The following GRID2 variants were observed in gnomAD, a reference collection of about 807,000 sequenced individuals.
GRID2 encodes the protein glutamate ionotropic receptor delta type subunit 2, also known as glutamate receptor ionotropic, delta-2.
GRID2 carries 33 observed loss-of-function variants against 114.8 expected under a neutral mutation model. That is an observed-to-expected ratio of 0.29 (90% CI 0.22 to 0.38). The LOEUF (loss-of-function observed/expected upper bound fraction) is 0.38, where lower values mean the gene tolerates loss of function less well. GRID2 is among the 10% of genes least tolerant of loss of function. GRID2 has a pLI of 1.00. For missense variants in GRID2, 1,184 were observed against 1,257.7 expected (o/e 0.94, Z 0.89); for synonymous variants, 505 against 449.9 (o/e 1.12, Z -1.55).
At chr4:92,800,397 T>C (rs942551650) in intron 2 of GRID2, among the ~76,000 whole-genome samples, 4 of 151,940 alleles carry the variant, frequency 2.6e-5, no homozygotes, top group Non-Finnish European at 5.9e-5. Flanking sequence ...AATAAAAATA[T>C]TGAACTAAGA....
At chr4:92,737,772 A>C (rs1057323371) in intron 2 of GRID2, among the ~76,000 whole-genome samples, 1 of 152,152 alleles carries the variant, frequency 6.6e-6, no homozygotes, top group Admixed American at 6.6e-5. Flanking sequence ...TTGTTTATGT[A>C]AAATTCAGAG....
chr4:93,216,248 A>C (rs1447469629), intron 5 of GRID2, among the ~76,000 whole-genome samples: 1 of 151,740 alleles, frequency 6.6e-6, no homozygotes, highest in African/African-American at 2.4e-5. Context: ...CAAATTTTTC[A>C]TTGCTAATTA....
intron 1 of GRID2, among the ~76,000 whole-genome samples, chr4:92,509,674 G>T (rs1369601608): frequency 6.6e-6 from 1 of 151,882 alleles, no homozygotes; most frequent in South Asian, 2.1e-4. Context: ...AATTAATAGA[G>T]TGGTTGAAAA....
intron 13 of GRID2, among the ~76,000 whole-genome samples, chr4:93,578,544 G>A (rs910303499): frequency 4.7e-5 from 7 of 150,520 alleles, no homozygotes; most frequent in African/African-American, 1.7e-4. Flanking sequence ...CTGATATATA[G>A]GTATCACAAA....
At chr4:92,864,063 A>G (rs1053235586) in intron 2 of GRID2, among the ~76,000 whole-genome samples, 3 of 152,200 alleles carry the variant, frequency 2.0e-5, no homozygotes, top group African/African-American at 7.2e-5. Flanking sequence ...AAAATTAAAC[A>G]GTTACATAAC....
chr4:92,488,557 G>T (rs1471751656), intron 1 of GRID2, among the ~76,000 whole-genome samples: 1 of 152,130 alleles, frequency 6.6e-6, no homozygotes, highest in Non-Finnish European at 1.5e-5. Flanking sequence ...TGGGAAATGG[G>T]AAACAAACTA....
chr4:93,115,869 A>G (rs1161627668), intron 4 of GRID2, among the ~76,000 whole-genome samples: 1 of 152,146 alleles, frequency 6.6e-6, no homozygotes, highest in Non-Finnish European at 1.5e-5. Flanking sequence ...CTCCTACAAC[A>G]CATGGGAACT....
At chr4:92,813,660 A>G (rs1339411164) in intron 2 of GRID2, among the ~76,000 whole-genome samples, 6 of 151,774 alleles carry the variant, frequency 4.0e-5, no homozygotes, top group South Asian at 2.1e-4. Context: ...ACACGCACGC[A>G]CACACACACA....
At chr4:93,807,038 C>T (rs1201148487) in exon 2 of GRID2, 1 of 152,274 alleles carries the variant, frequency 6.6e-6, no homozygotes, top group African/African-American at 2.4e-5. Context: ...CACAGAAATC[C>T]TTGCTGTAAT....
chr4:93,255,199 C>T (rs892916272), intron 8 of GRID2, among the ~76,000 whole-genome samples: 10 of 151,902 alleles, frequency 6.6e-5, no homozygotes, highest in East Asian at 5.8e-4. Context: ...CTGATGAATG[C>T]GAAACATTTC....
chr4:93,220,800 A>G (rs893739362), intron 6 of GRID2, among the ~76,000 whole-genome samples: 1 of 152,184 alleles, frequency 6.6e-6, no homozygotes, highest in African/African-American at 2.4e-5. Flanking sequence ...ATGGTCATTC[A>G]CAAGATTCTA....
intron 2 of GRID2, among the ~76,000 whole-genome samples, chr4:92,880,071 C>T (rs1430898446): frequency 2.0e-5 from 3 of 152,128 alleles, no homozygotes; most frequent in Non-Finnish European, 4.4e-5. Flanking sequence ...TTTTACAGAA[C>T]TCATGATTCT....
chr4:92,592,344 A>C (rs978607172), intron 2 of GRID2, among the ~76,000 whole-genome samples: 1 of 152,138 alleles, frequency 6.6e-6, no homozygotes, highest in Non-Finnish European at 1.5e-5. Flanking sequence ...AAAAGTAGTA[A>C]GAAAAAAAAT....
At chr4:93,442,802 C>A (rs879430366) in intron 10 of GRID2, among the ~76,000 whole-genome samples, 20 of 152,170 alleles carry the variant, frequency 1.3e-4, no homozygotes, top group Non-Finnish European at 2.4e-4. Flanking sequence ...TTATTCCTCA[C>A]AATGCCTTCA....
At chr4:92,568,191 C>A (rs985024252) in intron 1 of GRID2, among the ~76,000 whole-genome samples, 3 of 151,938 alleles carry the variant, frequency 2.0e-5, no homozygotes, top group Admixed American at 6.6e-5. Flanking sequence ...TGGGAATATA[C>A]TTTTTGTATT....
At chr4:93,666,893 A>G (rs1723995643) in intron 14 of GRID2, among the ~76,000 whole-genome samples, 1 of 152,132 alleles carries the variant, frequency 6.6e-6, no homozygotes, top group Non-Finnish European at 1.5e-5. Context: ...AAATCTTTAT[A>G]AAATTCTTTT....
chr4:93,223,751 C>T (rs2149491396), intron 6 of GRID2, among the ~76,000 whole-genome samples: 1 of 152,136 alleles, frequency 6.6e-6, no homozygotes, highest in Admixed American at 6.6e-5. Context: ...CCTAGGATTC[C>T]TTTTGGTATT....
chr4:92,828,989 C>A (rs556631702), intron 2 of GRID2, among the ~76,000 whole-genome samples: 1 of 152,180 alleles, frequency 6.6e-6, no homozygotes, highest in East Asian at 1.9e-4. Flanking sequence ...ATGATAGTTT[C>A]TTTGGCTGTG....
At chr4:93,313,952 C>T (rs1391880426) in intron 8 of GRID2, among the ~76,000 whole-genome samples, 1 of 152,114 alleles carries the variant, frequency 6.6e-6, no homozygotes, top group Non-Finnish European at 1.5e-5. Flanking sequence ...CTACCTGACT[C>T]AAAATATGAG....
Sources: gnomAD v4.1 joint callset for allele counts (sites outside exome capture counted in the v4.1 genomes callset) on GRCh38, gnomAD v4.1.1 for gene constraint, MANE v1.5 for transcripts, NCBI Gene and HGNC (gene_info 2026-07-23, HGNC 2026-07-21) for gene names.